DNAAF9: variants seen among roughly 807,000 people sequenced by gnomAD.
The protein encoded by DNAAF9 is shulin.
DNAAF9 carries 90 observed loss-of-function variants against 167.0 expected under a neutral mutation model. That is an observed-to-expected ratio of 0.54 (90% CI 0.45 to 0.64). The LOEUF is 0.64. Among genes scored for constraint, DNAAF9 ranks in the 30% least tolerant of loss-of-function variants. DNAAF9 has a pLI of 0.00. For missense variants in DNAAF9, 1,315 were observed against 1,442.2 expected, an observed-to-expected ratio of 0.91 and a Z score of 1.43; for synonymous variants, 491 against 508.8, an observed-to-expected ratio of 0.96 and a Z score of 0.47.
At chr20:3,335,743 G>A (rs1176711098) in intron 10 of DNAAF9, among the ~76,000 whole-genome samples, 2 of 87,328 alleles carry the variant, frequency 2.3e-5, no homozygotes, top group Non-Finnish European at 4.4e-5. Flanking sequence ...GGTGACAAGA[G>A]CAAAACTCCG....
intron 12 of DNAAF9, among the ~76,000 whole-genome samples, chr20:3,327,241 T>G (rs1355936425): frequency 6.6e-6 from 1 of 152,196 alleles, no homozygotes; most frequent in African/African-American, 2.4e-5. Context: ...GGGTTTGTCC[T>G]GTGCATTGTA....
intron 11 of DNAAF9, among the ~76,000 whole-genome samples, chr20:3,331,320 C>T (rs1600799854): frequency 6.6e-6 from 1 of 152,168 alleles, no homozygotes; most frequent in South Asian, 2.1e-4. Flanking sequence ...CTACCTCTTG[C>T]TTTATCTCCT....
In DNAAF9 at chr20:3,323,133, G is replaced by GT. The variant is rs549673244; in HGVS notation, c.1266-438dup. ...ACCCTTTCAGCTTACTCTAACTTGT[G>GT]TAAGTGTAATCTCTTGCATTAACAC... is the stretch of plus-strand genomic sequence containing the variant. On this transcript the variant is annotated intron_variant, in intron 14 of 36. Coordinates refer to ENST00000252032, the MANE Select transcript of DNAAF9 (RefSeq NM_001009984.3). 1.5e-4 allele frequency among the ~76,000 whole-genome samples: 22 copies of GT among 150,346 alleles called. No individual in the cohort carries two copies. The East Asian group carries it at 4.1e-3, about 28-fold the overall frequency.
intron 12 of DNAAF9, among the ~76,000 whole-genome samples, chr20:3,326,932 A>G (rs1022738174): frequency 2.0e-5 from 3 of 152,134 alleles, no homozygotes; most frequent in Non-Finnish European, 4.4e-5. Flanking sequence ...CTACCTACAG[A>G]GCAGGAATTC....
chr20:3,337,092 G>T (rs553493848), intron 10 of DNAAF9, among the ~76,000 whole-genome samples: 79 of 151,634 alleles, frequency 5.2e-4, no homozygotes, highest in African/African-American at 1.8e-3. Context: ...TGTTAACCAG[G>T]ATGGTCTCGA....
At chr20:3,382,674 G>T (rs1022401992) in intron 1 of DNAAF9, among the ~76,000 whole-genome samples, 168 bp from the exon 2 acceptor site, 1 of 152,180 alleles carries the variant, frequency 6.6e-6, no homozygotes, top group East Asian at 1.9e-4. Flanking sequence ...GATTGGGAAG[G>T]TTCCTTTCTC....
chr20:3,326,090 C>T, intron 13 of DNAAF9, 107 bp downstream of exon 13: 1 of 793,834 alleles, frequency 1.3e-6, no homozygotes, highest in Admixed American at 2.3e-5. Flanking sequence ...GAGGCCCAAG[C>T]TCGCACAAAA....
chr20:3,366,114 A>C (rs2083429741), intron 6 of DNAAF9, among the ~76,000 whole-genome samples: 1 of 152,234 alleles, frequency 6.6e-6, no homozygotes, highest in Non-Finnish European at 1.5e-5. Flanking sequence ...GAATGCCCTT[A>C]ATGTCATCTA....
At position 3,255,241 on chromosome 20, in the gene DNAAF9, T is replaced by C; in HGVS notation, c.3305A>G (p.Gln1102Arg). Reference sequence around the variant, plus strand: ...CACGTGGATGCTCCTGATCTCCTGTTGCGTCAGCATCCCCCTGGTCTTCAG... The same window carrying C: ...CACGTGGATGCTCCTGATCTCCTGTCGCGTCAGCATCCCCCTGGTCTTCAG... ...KALKTRGMLT[Q>R]QEIRSIHVKR... The change falls in exon 35 of 37, where the codon CAA becomes CGA. Residue 1102 changes from glutamine (Q) to arginine (R), a missense_variant. By Grantham distance (43) the Gln-to-Arg change is conservative. Transcript: ENST00000252032. The C allele has an allele frequency of 6.4e-7, 1 of 1,550,994 alleles. No individual in the cohort carries two copies. The highest frequency in any genetic ancestry group is 8.7e-7 in the Non-Finnish European group (1 of 1,146,482).
At chr20:3,355,094 T>C (rs2083266304) in intron 7 of DNAAF9, among the ~76,000 whole-genome samples, 1 of 152,222 alleles carries the variant, frequency 6.6e-6, no homozygotes, top group African/African-American at 2.4e-5. Context: ...TGCATGCAGA[T>C]ACTACTAAAT....
At chr20:3,286,761 A>G (rs951160085) in intron 27 of DNAAF9, among the ~76,000 whole-genome samples, 5 of 152,164 alleles carry the variant, frequency 3.3e-5, no homozygotes, top group African/African-American at 1.2e-4. Flanking sequence ...CAGCCAGGAC[A>G]CCAAAGGGGC....
In DNAAF9 at chr20:3,279,066, G is replaced by T. The variant is rs1005305412; in HGVS notation, c.2613-117C>A. On this transcript the variant is annotated intron_variant, in intron 28 of 36. Transcript: ENST00000252032. ...GCAAATTGACTCACATGATGAGGCA[G>T]GTGGCAGCAGCACTGAGCACTAAGG... The T allele has an allele frequency of 9.3e-6, 7 of 754,792 alleles. No homozygotes were observed. The Admixed American group carries it at 1.4e-4, about 15-fold the overall frequency. The allele number at this position is 754,792 out of a possible 1,614,324, so 46.8% of individuals were successfully genotyped here. A position where few individuals can be genotyped will look rare whatever the true frequency, so the allele number is the denominator to read the frequency against.
At chr20:3,353,791 A>G (rs2083248440) in intron 7 of DNAAF9, among the ~76,000 whole-genome samples, 1 of 152,052 alleles carries the variant, frequency 6.6e-6, no homozygotes, top group South Asian at 2.1e-4. Context: ...TCACACAGTC[A>G]AGCAATACCA....
At chr20:3,404,718 T>C (rs2084032917) in intron 1 of DNAAF9, among the ~76,000 whole-genome samples, 1 of 152,228 alleles carries the variant, frequency 6.6e-6, no homozygotes, top group Non-Finnish European at 1.5e-5. Context: ...TGTTGCATAA[T>C]TTATATAAAT....
chr20:3,298,222 T>G (rs1392873635), intron 21 of DNAAF9, 47 bp from the exon 22 acceptor site: 1 of 1,531,754 alleles, frequency 6.5e-7, no homozygotes, highest in Non-Finnish European at 9.0e-7. Context: ...ATCTGCACAA[T>G]TACAGCACTC....
chr20:3,287,504 C>T, intron 27 of DNAAF9, 128 bp downstream of exon 27: 2 of 876,680 alleles, frequency 2.3e-6, no homozygotes, highest in Middle Eastern at 2.4e-4. Context: ...TAAGGCTTCT[C>T]TGTAGCGCAG....
chr20:3,348,521 A>T lies in DNAAF9; in HGVS notation c.789+4T>A. 6.5e-7 allele frequency: 1 copy of T among 1,544,884 alleles called. No individual in the cohort carries two copies. The highest frequency in any genetic ancestry group is 1.8e-5 in the Admixed American group (1 of 56,050). ...TCTTCCTCTTTGACCCTTCCCTTACATACCTCACCCGCCTGAGATTCTGAA... is the reference window on the plus strand; with the variant it reads ...TCTTCCTCTTTGACCCTTCCCTTACTTACCTCACCCGCCTGAGATTCTGAA... On this transcript the variant is annotated splice_donor_region_variant and intron_variant, in intron 8 of 36. Transcript: ENST00000252032.
chr20:3,343,897 C>T (rs951294337), intron 8 of DNAAF9, among the ~76,000 whole-genome samples, 166 bp from the exon 9 acceptor site: 19 of 151,330 alleles, frequency 1.3e-4, no homozygotes, highest in African/African-American at 4.4e-4. Flanking sequence ...GAGAGAGCTA[C>T]AGAAAGGGAG....
At chr20:3,379,465 G>A (rs955091229) in intron 3 of DNAAF9, among the ~76,000 whole-genome samples, 1 of 151,396 alleles carries the variant, frequency 6.6e-6, no homozygotes, top group Non-Finnish European at 1.5e-5. Context: ...ATGGTGGCGG[G>A]TGCCTGTAAT....
Sources: allele counts gnomAD v4.1 joint callset (sites outside exome capture counted in the v4.1 genomes callset), GRCh38; gene constraint gnomAD v4.1.1; transcripts MANE v1.5; gene names NCBI Gene and HGNC (gene_info 2026-07-23, HGNC 2026-07-21).